MARCHF1: variants seen among roughly 807,000 people sequenced by gnomAD.
The protein encoded by MARCHF1 is membrane associated ring-CH-type finger 1, also known as E3 ubiquitin-protein ligase MARCHF1.
A neutral mutation model predicts 54.2 loss-of-function variants in MARCHF1; 40 were observed. The observed-to-expected ratio is 0.74, with a 90% confidence interval of 0.57 to 0.96. The LOEUF (loss-of-function observed/expected upper bound fraction) is 0.96, where lower values mean the gene tolerates loss of function less well. Ranked by LOEUF, MARCHF1 falls within the 40% of genes least tolerant of loss-of-function variation. The pLI is 0.00. For synonymous variants in MARCHF1, 236 were observed against 236.3 expected (o/e 1.00, Z 0.01); for missense variants, 586 against 656.5 (o/e 0.89, Z 1.17).
At chr4:164,372,775 A>G (rs1253059533) in intron 1 of MARCHF1, among the ~76,000 whole-genome samples, 1 of 152,124 alleles carries the variant, frequency 6.6e-6, no homozygotes, top group Non-Finnish European at 1.5e-5. Context: ...GGGTCTCAGT[A>G]CTGAAAATTT....
At chr4:163,657,470 A>C (rs1425691444) in intron 5 of MARCHF1, among the ~76,000 whole-genome samples, 4 of 152,158 alleles carry the variant, frequency 2.6e-5, no homozygotes, top group Admixed American at 2.0e-4. Flanking sequence ...ATATCATTAA[A>C]ATGGCCATAT....
At position 164,315,231 on chromosome 4, in the gene MARCHF1, C is replaced by CAAA. The variant is rs58264322; in HGVS notation, c.-323+68636_-323+68638dup. 2.4e-3 allele frequency among the ~76,000 whole-genome samples: 240 copies of CAAA among 100,662 alleles called. 3 individuals are homozygous for CAAA. The highest frequency in any genetic ancestry group is 5.8e-3 in the South Asian group (18 of 3,102). The allele number at this position is 100,662 out of a possible 152,430, so 66.0% of individuals were successfully genotyped here. On this transcript the variant is annotated intron_variant, in intron 1 of 9. Transcript: ENST00000514618. ...TTTCTTCTGTATTGGGTTAATTTAACAAAAAAAAAAAAAAAAAAAAGAATT... is the reference window on the plus strand; with the variant it reads ...TTTCTTCTGTATTGGGTTAATTTAACAAAAAAAAAAAAAAAAAAAAAAAGAATT...
chr4:163,999,562 G>A (rs1166392600), intron 2 of MARCHF1, among the ~76,000 whole-genome samples: 2 of 151,248 alleles, frequency 1.3e-5, no homozygotes, highest in African/African-American at 2.4e-5. Flanking sequence ...CAAAAAATAA[G>A]AGTTATAAAA....
At chr4:164,162,847 C>A (rs1221222939) in intron 1 of MARCHF1, among the ~76,000 whole-genome samples, 1 of 151,834 alleles carries the variant, frequency 6.6e-6, no homozygotes, top group African/African-American at 2.4e-5. Context: ...AAGAGCAGGA[C>A]GTATATGAAA....
chr4:163,937,374 C>T (rs1391212809), intron 3 of MARCHF1, among the ~76,000 whole-genome samples: 2 of 151,756 alleles, frequency 1.3e-5, no homozygotes, highest in African/African-American at 2.4e-5. Context: ...TTTTTCACTT[C>T]TTTATTTTAT....
At chr4:163,971,574 G>A (rs562895252) in intron 3 of MARCHF1, among the ~76,000 whole-genome samples, 1 of 152,302 alleles carries the variant, frequency 6.6e-6, no homozygotes, top group East Asian at 1.9e-4. Flanking sequence ...AAGTGTTTGA[G>A]GCTGACACAC....
At chr4:163,762,428 G>T (rs919238063) in intron 4 of MARCHF1, among the ~76,000 whole-genome samples, 1 of 152,054 alleles carries the variant, frequency 6.6e-6, no homozygotes, top group Non-Finnish European at 1.5e-5. Flanking sequence ...TTAGAAAAAT[G>T]ATCTTTTTTT....
intron 3 of MARCHF1, among the ~76,000 whole-genome samples, chr4:163,919,600 A>G (rs1467150876): frequency 2.0e-5 from 3 of 152,072 alleles, no homozygotes; most frequent in African/African-American, 7.2e-5. Context: ...GAATTTTAAA[A>G]GATACATTTT....
chr4:164,041,434 C>T (rs1754127233), intron 2 of MARCHF1, among the ~76,000 whole-genome samples: 1 of 152,120 alleles, frequency 6.6e-6, no homozygotes, highest in African/African-American at 2.4e-5. Context: ...TCATGCCTTC[C>T]TCATTAATTG....
rs140460305 is a variant in MARCHF1, at chr4:163,887,728, G to A, written c.-38-33559C>T. ...CAATTTGGCTGTTTCACCAACATGT[G>A]CATATAAACACTAAATTTTGAAGTC... On this transcript the variant is annotated intron_variant, in intron 3 of 9. Coordinates refer to ENST00000514618, the MANE Select transcript of MARCHF1 (RefSeq NM_001394959.1). 2.6e-4 allele frequency among the ~76,000 whole-genome samples: 40 copies of A among 152,174 alleles called. No individual in the cohort carries two copies. The East Asian group carries it at 6.8e-3, about 26-fold the overall frequency.
At chr4:164,283,569 T>C (rs1245213180) in intron 1 of MARCHF1, among the ~76,000 whole-genome samples, 2 of 151,012 alleles carry the variant, frequency 1.3e-5, no homozygotes, top group African/African-American at 2.4e-5. Context: ...GACATTTTGA[T>C]ATCCAAGTGA....
intron 1 of MARCHF1, among the ~76,000 whole-genome samples, chr4:164,370,303 T>A (rs1406870519): frequency 6.6e-6 from 1 of 152,030 alleles, no homozygotes; most frequent in Non-Finnish European, 1.5e-5. Context: ...CACCACAACC[T>A]CTCAGGCCTG....
intron 7 of MARCHF1, among the ~76,000 whole-genome samples, chr4:163,592,889 A>G (rs1265183483): frequency 2.0e-5 from 3 of 152,026 alleles, no homozygotes; most frequent in Non-Finnish European, 4.4e-5. Context: ...CATTCCCTCT[A>G]TTGATGTGTG....
intron 1 of MARCHF1, among the ~76,000 whole-genome samples, chr4:164,276,932 T>TTATATATATATA (rs1279487239): frequency 1.3e-5 from 1 of 75,968 alleles, no homozygotes; most frequent in African/African-American, 4.9e-5. Context: ...ATGTCTCATA[T>TTATATATATATA]TCTATATATA....
chr4:163,717,859 G>A (rs1202488699), intron 4 of MARCHF1, among the ~76,000 whole-genome samples: 1 of 151,682 alleles, frequency 6.6e-6, no homozygotes, highest in Non-Finnish European at 1.5e-5. Context: ...TTTTTTTCTT[G>A]TAAATTCGTC....
intron 5 of MARCHF1, among the ~76,000 whole-genome samples, chr4:163,644,832 C>A (rs764422519): frequency 7.9e-5 from 12 of 152,134 alleles, no homozygotes; most frequent in Admixed American, 2.6e-4. Context: ...TAACTTTGGT[C>A]CCACTGTGCA....
intron 1 of MARCHF1, among the ~76,000 whole-genome samples, chr4:164,154,559 T>A (rs1301509871): frequency 1.3e-5 from 2 of 152,166 alleles, no homozygotes; most frequent in African/African-American, 4.8e-5. Flanking sequence ...GGCTCTCTGT[T>A]CAGCCACCAC....
chr4:163,885,769 C>A (rs1325138717), intron 3 of MARCHF1, among the ~76,000 whole-genome samples: 2 of 151,546 alleles, frequency 1.3e-5, no homozygotes, highest in East Asian at 3.9e-4. Context: ...GTAATTATTG[C>A]AAAGAAAATA....
At chr4:164,080,880 A>C (rs1415242625) in intron 2 of MARCHF1, among the ~76,000 whole-genome samples, 1 of 152,134 alleles carries the variant, frequency 6.6e-6, no homozygotes, top group East Asian at 1.9e-4. Context: ...ATAATGATTT[A>C]AGAGGGCTAA....
Sources: allele counts gnomAD v4.1 joint callset (sites outside exome capture counted in the v4.1 genomes callset), GRCh38; gene constraint gnomAD v4.1.1; transcripts MANE v1.5; gene names NCBI Gene and HGNC (gene_info 2026-07-23, HGNC 2026-07-21).